NMBR: variants seen among roughly 807,000 people sequenced by gnomAD.
NMBR encodes the protein neuromedin B receptor, also known as neuromedin-B receptor.
A neutral mutation model predicts 20.5 loss-of-function variants in NMBR; 16 were observed. The ratio of observed to expected loss-of-function variants is 0.78; its 90% CI spans 0.53 to 1.19. NMBR has a LOEUF of 1.19. NMBR is among the 50% of genes most tolerant of loss of function. The pLI, the probability that NMBR is intolerant of heterozygous loss-of-function variation, is 0.00. For missense variants in NMBR, 582 were observed against 499.1 expected (o/e 1.17, Z -1.58); for synonymous variants, 212 against 196.6 (o/e 1.08, Z -0.65).
intron 1 of NMBR, among the ~76,000 whole-genome samples, chr6:142,116,242 CT>C (rs552131110): frequency 4.7e-4 from 71 of 151,886 alleles, no homozygotes; most frequent in African/African-American, 1.7e-3. Context: ...AACAATACCC[CT>C]TCTTCTCTTC....
intron 1 of NMBR, among the ~76,000 whole-genome samples, chr6:142,109,386 C>T (rs2114588107): frequency 6.6e-6 from 1 of 152,018 alleles, no homozygotes; most frequent in South Asian, 2.1e-4. Context: ...TTAAAATCTC[C>T]TTCATGTACC....
rs1776901503 is a variant in NMBR, at chr6:142,075,058, T to C, written c.*590A>G. 6.6e-6 allele frequency among the ~76,000 whole-genome samples: 1 copy of C among 151,388 alleles called. No homozygotes were observed. The highest frequency in any genetic ancestry group is 1.5e-5 in the Non-Finnish European group (1 of 67,924). On this transcript the variant is annotated 3_prime_UTR_variant, in exon 4 of 4. Coordinates refer to ENST00000258042, the MANE Select transcript of NMBR (RefSeq NM_002511.4). ...CACCTTTGAATTTTTTCTTATTTTCTTAAAATGAAGGACGTGTGTGTGTGT... is the reference window on the plus strand; with the variant it reads ...CACCTTTGAATTTTTTCTTATTTTCCTAAAATGAAGGACGTGTGTGTGTGT...
Position 142,088,779 on chromosome 6 carries a change from G to T in NMBR, c.-121C>A, listed in dbSNP as rs1777258418. ...TCTCGCCCCTGCAAGTTTACTGTCC[G>T]CGGGGCAAGCCTCACAGCACCACGT... On this transcript the variant is annotated 5_prime_UTR_variant, in exon 2 of 4. Coordinates refer to ENST00000258042, the MANE Select transcript of NMBR (RefSeq NM_002511.4). 3.4e-6 allele frequency: 3 copies of T among 887,740 alleles called. No individual in the cohort carries two copies. Among genetic ancestry groups the T allele is most frequent in the South Asian group, 3.4e-5 (2 of 58,818 alleles). 55.0% of individuals were successfully genotyped at this position (887,740 alleles called of 1,614,324 possible).
At chr6:142,124,599 A>G (rs1778000311) in intron 1 of NMBR, among the ~76,000 whole-genome samples, 1 of 151,798 alleles carries the variant, frequency 6.6e-6, no homozygotes, top group South Asian at 2.1e-4. Flanking sequence ...TCCTATAGAG[A>G]TATGTGGATG....
chr6:142,099,563 C>T (rs1426102231), intron 1 of NMBR, among the ~76,000 whole-genome samples: 1 of 152,074 alleles, frequency 6.6e-6, no homozygotes, highest in East Asian at 1.9e-4. Context: ...CAGGCCCCTC[C>T]CCCGACATGT....
chr6:142,098,723 C>T (rs1777505788), intron 1 of NMBR, among the ~76,000 whole-genome samples: 1 of 152,024 alleles, frequency 6.6e-6, no homozygotes, highest in South Asian at 2.1e-4. Context: ...TCAAGTTTTC[C>T]TTGTCAAGTT....
intron 1 of NMBR, among the ~76,000 whole-genome samples, chr6:142,139,705 G>A (rs2114614139): frequency 6.6e-6 from 1 of 152,166 alleles, no homozygotes; most frequent in East Asian, 1.9e-4. Context: ...GAGACAGGTG[G>A]TTTAGACAAT....
chr6:142,133,224 A>C, intron 1 of NMBR: 1 of 645,360 alleles, frequency 1.5e-6, no homozygotes, highest in Non-Finnish European at 2.8e-6. Context: ...CAAAAAATCA[A>C]TTGTATGAGT....
chr6:142,131,213 G>C (rs1016351154), intron 1 of NMBR, among the ~76,000 whole-genome samples: 13 of 152,034 alleles, frequency 8.6e-5, no homozygotes, highest in African/African-American at 3.1e-4. Flanking sequence ...GACAGTTTTG[G>C]CATCCTGTAA....
intron 2 of NMBR, among the ~76,000 whole-genome samples, chr6:142,079,703 G>A (rs1054332107): frequency 5.3e-5 from 8 of 152,182 alleles, no homozygotes; most frequent in African/African-American, 1.9e-4. Context: ...CATCTAGATT[G>A]GGATTTTCTC....
intron 1 of NMBR, among the ~76,000 whole-genome samples, chr6:142,123,923 A>G (rs1777988932): frequency 6.6e-6 from 1 of 151,956 alleles, no homozygotes; most frequent in Non-Finnish European, 1.5e-5. Context: ...AAATAGGATT[A>G]ACTTCAGATG....
chr6:142,079,587 C>T (rs1777051476), intron 2 of NMBR, among the ~76,000 whole-genome samples: 1 of 152,140 alleles, frequency 6.6e-6, no homozygotes, highest in Admixed American at 6.5e-5. Flanking sequence ...TCCATAGCTT[C>T]TGAGCATGAG....
intron 1 of NMBR, among the ~76,000 whole-genome samples, chr6:142,130,948 A>G (rs1269514610): frequency 6.6e-6 from 1 of 152,172 alleles, no homozygotes; most frequent in African/African-American, 2.4e-5. Context: ...GAGTAGGGAC[A>G]ACAGGCAATA....
At position 142,088,716 on chromosome 6, in the gene NMBR, T is replaced by TGAAC; in HGVS notation, c.-62_-59dup. 6.8e-7 allele frequency: 1 copy of TGAAC among 1,471,392 alleles called. No individual in the cohort carries two copies. Among genetic ancestry groups the TGAAC allele is most frequent in the South Asian group, 1.2e-5 (1 of 81,136 alleles). The allele number at this position is 1,471,392 out of a possible 1,614,324, so 91.1% of individuals were successfully genotyped here. A position where few individuals can be genotyped will look rare whatever the true frequency, so the allele number is the denominator to read the frequency against. ...TCACGCGCTCCGGTGCCCTGAGGAC[T>TGAAC]GAACGCCCACGATTTAGGTTTAATC... On this transcript the variant is annotated 5_prime_UTR_variant, in exon 2 of 4. Coordinates refer to ENST00000258042, the MANE Select transcript of NMBR (RefSeq NM_002511.4).
chr6:142,088,238 T>G lies in NMBR; in HGVS notation c.421A>C (p.Arg141=). Residue 141 remains arginine, a splice_region_variant and synonymous_variant, in exon 2 of 4, where the codon AGG becomes CGG. Transcript: ENST00000258042. ...VFTLTALSAD[R]YRAIVNPMDM... The stretch of plus-strand genomic sequence containing the variant: ...ACTCACAGCTACCTGTGCTCTTACC[T>G]GTCGGCGCTGAGGGCAGTGAGAGTG... 6.2e-7 allele frequency: 1 copy of G among 1,609,732 alleles called. No homozygotes were observed. The highest frequency in any genetic ancestry group is 8.5e-7 in the Non-Finnish European group (1 of 1,179,484).
At chr6:142,132,805 A>C (rs1473067213) in intron 1 of NMBR, among the ~76,000 whole-genome samples, 2 of 152,320 alleles carry the variant, frequency 1.3e-5, no homozygotes, top group East Asian at 1.9e-4. Flanking sequence ...AGGTAATTGC[A>C]GAAGCGTTGA....
At chr6:142,080,679 C>A (rs1777076711) in intron 2 of NMBR, among the ~76,000 whole-genome samples, 1 of 152,136 alleles carries the variant, frequency 6.6e-6, no homozygotes. Context: ...TGTTTGGTCT[C>A]TTTGTGCTGT....
chr6:142,096,681 A>C (rs978183549), intron 1 of NMBR, among the ~76,000 whole-genome samples: 1 of 152,092 alleles, frequency 6.6e-6, no homozygotes, highest in African/African-American at 2.4e-5. Flanking sequence ...GTATATGTCT[A>C]TTAGGTCTGC....
At chr6:142,137,706 C>T (rs225611) in intron 1 of NMBR, among the ~76,000 whole-genome samples, 61 of 151,842 alleles carry the variant, frequency 4.0e-4, no homozygotes, top group African/African-American at 1.3e-3. Flanking sequence ...TAGCATGAAG[C>T]GTTGTTGAAT....
Sources: allele counts gnomAD v4.1 joint callset (sites outside exome capture counted in the v4.1 genomes callset), GRCh38; gene constraint gnomAD v4.1.1; transcripts MANE v1.5; gene names NCBI Gene and HGNC (gene_info 2026-07-23, HGNC 2026-07-21).